The following ANKS1B variants were observed in gnomAD, a reference collection of about 807,000 sequenced individuals.
The protein encoded by ANKS1B is ankyrin repeat and sterile alpha motif domain containing 1B.
ANKS1B carries 36 observed loss-of-function variants against 148.3 expected under a neutral mutation model. The ratio of observed to expected loss-of-function variants is 0.24; its 90% confidence interval spans 0.19 to 0.32. ANKS1B has a LOEUF of 0.32. Among genes scored for constraint, ANKS1B ranks in the 10% least tolerant of loss-of-function variants. The pLI, the probability that ANKS1B is intolerant of heterozygous loss-of-function variation, is 1.00. For missense variants in ANKS1B, 1,157 were observed against 1,542.6 expected (o/e 0.75, Z 4.19); for synonymous variants, 542 against 560.8 (o/e 0.97, Z 0.47).
chr12:99,581,683 G>A (rs2097570829), intron 9 of ANKS1B, among the ~76,000 whole-genome samples: 1 of 151,928 alleles, frequency 6.6e-6, no homozygotes, highest in East Asian at 1.9e-4. Context: ...GAGGTCAGGA[G>A]ATCGAGACCA....
At chr12:99,735,300 A>G (rs2059510152) in intron 8 of ANKS1B, among the ~76,000 whole-genome samples, 1 of 152,182 alleles carries the variant, frequency 6.6e-6, no homozygotes, top group African/African-American at 2.4e-5. Flanking sequence ...TAGAGACCAC[A>G]AAAATAAAAA....
At chr12:99,361,234 C>T (rs868176801) in intron 12 of ANKS1B, among the ~76,000 whole-genome samples, 2 of 151,830 alleles carry the variant, frequency 1.3e-5, no homozygotes, top group Admixed American at 6.6e-5. Context: ...CATGTACCCC[C>T]ATAAATAATA....
chr12:99,523,881 T>C (rs1326595459), intron 9 of ANKS1B, among the ~76,000 whole-genome samples: 6 of 152,218 alleles, frequency 3.9e-5, no homozygotes, highest in Non-Finnish European at 5.9e-5. Context: ...GTGTAGAAGA[T>C]AGCAGTTTGA....
Position 99,915,371 on chromosome 12 carries a change from G to A in ANKS1B, c.134+68733C>T, listed in dbSNP as rs11110127. Among the ~76,000 whole-genome samples, 496 of 152,272 alleles carry A rather than the reference G, an allele frequency of 3.3e-3. 5 individuals carry two copies. Among genetic ancestry groups the A allele is most frequent in the African/African-American group, 0.011 (454 of 41,564 alleles). On this transcript the variant is annotated intron_variant, in intron 1 of 26. Coordinates refer to ENST00000683438, the MANE Select transcript of ANKS1B (RefSeq NM_001352186.2). ...TAGAACTGAGAGCACACATAAGGAC[G>A]TGGATGTTGAGGGTGCTGAGCTGAG... is the stretch of plus-strand genomic sequence containing the variant.
chr12:99,590,620 G>C (rs2097693645), intron 9 of ANKS1B, among the ~76,000 whole-genome samples: 1 of 152,116 alleles, frequency 6.6e-6, no homozygotes, highest in Non-Finnish European at 1.5e-5. Flanking sequence ...AAACTTTTTT[G>C]AGGGCAAGTG....
chr12:98,973,982 G>A (rs957578557), intron 17 of ANKS1B, among the ~76,000 whole-genome samples: 3 of 152,080 alleles, frequency 2.0e-5, no homozygotes, highest in Non-Finnish European at 4.4e-5. Flanking sequence ...ACAGTTTCAG[G>A]CATCCACTGG....
At chr12:98,766,370 C>A (rs2098480694) in intron 25 of ANKS1B, among the ~76,000 whole-genome samples, 2 of 152,212 alleles carry the variant, frequency 1.3e-5, no homozygotes, top group African/African-American at 4.8e-5. Context: ...GGAGCTGCGT[C>A]CTTCCTGCAG....
chr12:99,103,321 G>T (rs183775210), intron 15 of ANKS1B, among the ~76,000 whole-genome samples: 1 of 152,224 alleles, frequency 6.6e-6, no homozygotes, highest in Admixed American at 6.5e-5. Context: ...GTCTTACCTT[G>T]ACGCCCCTCA....
intron 9 of ANKS1B, among the ~76,000 whole-genome samples, chr12:99,605,318 T>A (rs539629376): frequency 6.6e-6 from 1 of 152,188 alleles, no homozygotes; most frequent in Non-Finnish European, 1.5e-5. Flanking sequence ...ATACTTATCA[T>A]TTGTTTGCAG....
At chr12:99,576,763 T>TC (rs2097523927) in intron 9 of ANKS1B, among the ~76,000 whole-genome samples, 1 of 152,114 alleles carries the variant, frequency 6.6e-6, no homozygotes, top group African/African-American at 2.4e-5. Context: ...TTTCTTTTTT[T>TC]CAAGTTTTAT....
intron 6 of ANKS1B, among the ~76,000 whole-genome samples, 195 bp from the exon 7 acceptor site, chr12:99,775,856 A>G (rs1203332068): frequency 6.6e-6 from 1 of 152,204 alleles, no homozygotes; most frequent in African/African-American, 2.4e-5. Context: ...TTAAAGTTGT[A>G]ATTAAAAAAA....
chr12:99,268,890 T>C (rs1472706675), intron 12 of ANKS1B, among the ~76,000 whole-genome samples: 2 of 152,188 alleles, frequency 1.3e-5, no homozygotes, highest in South Asian at 2.1e-4. Context: ...GGGAACGCCA[T>C]TTGAGACAAT....
intron 8 of ANKS1B, among the ~76,000 whole-genome samples, chr12:99,662,140 T>A (rs1011178156): frequency 6.6e-6 from 1 of 152,232 alleles, no homozygotes; most frequent in Admixed American, 6.5e-5. Flanking sequence ...ATGTTTTTGT[T>A]ATTTGCTATT....
chr12:99,362,585 T>C (rs2092547572), intron 12 of ANKS1B, among the ~76,000 whole-genome samples: 1 of 152,010 alleles, frequency 6.6e-6, no homozygotes, highest in African/African-American at 2.4e-5. Flanking sequence ...GTTACATAGA[T>C]GGAAGCAGAA....
At chr12:99,325,272 A>G (rs192980171) in intron 12 of ANKS1B, among the ~76,000 whole-genome samples, 3 of 152,286 alleles carry the variant, frequency 2.0e-5, no homozygotes, top group African/African-American at 7.2e-5. Context: ...CAGCAACATG[A>G]ATCCTGCTAA....
intron 17 of ANKS1B, chr12:98,976,347 G>A (rs1449085676): frequency 6.6e-6 from 1 of 152,334 alleles, no homozygotes; most frequent in African/African-American, 2.4e-5. Context: ...AGAGGGCCTT[G>A]GGAAGGCAGT....
intron 12 of ANKS1B, among the ~76,000 whole-genome samples, chr12:99,317,338 A>G (rs796938635): frequency 6.6e-6 from 1 of 151,770 alleles, no homozygotes; most frequent in Non-Finnish European, 1.5e-5. Flanking sequence ...CTTTTATTTC[A>G]TTGAGCAGTG....
chr12:99,306,562 T>C (rs1424340489), intron 12 of ANKS1B, among the ~76,000 whole-genome samples: 2 of 152,214 alleles, frequency 1.3e-5, no homozygotes, highest in Non-Finnish European at 2.9e-5. Flanking sequence ...TGACAGATGG[T>C]TTCTAGATTA....
intron 8 of ANKS1B, among the ~76,000 whole-genome samples, chr12:99,671,711 C>T (rs1387383494): frequency 6.6e-6 from 1 of 152,078 alleles, no homozygotes; most frequent in African/African-American, 2.4e-5. Flanking sequence ...GACATTAAGT[C>T]TGTTAGATCA....
Sources: gnomAD v4.1 joint callset for allele counts (sites outside exome capture counted in the v4.1 genomes callset) on GRCh38, gnomAD v4.1.1 for gene constraint, MANE v1.5 for transcripts, NCBI Gene and HGNC (gene_info 2026-07-23, HGNC 2026-07-21) for gene names.